The following DCDC2C variants were observed in gnomAD, a reference collection of about 807,000 sequenced individuals.
The protein encoded by DCDC2C is doublecortin domain-containing protein 2C.
A neutral mutation model predicts 45.0 loss-of-function variants in DCDC2C; 44 were observed. The observed-to-expected ratio is 0.98, with a 90% CI of 0.77 to 1.26. The LOEUF is 1.26. DCDC2C is among the 50% of genes most tolerant of loss of function. The probability of loss-of-function intolerance (pLI) is 0.00; values close to 1 mark genes in which losing one functional copy is unlikely to be tolerated. For missense variants in DCDC2C, 447 were observed against 468.9 expected, an observed-to-expected ratio of 0.95 and a Z score of 0.43; for synonymous variants, 187 against 178.8, an observed-to-expected ratio of 1.05 and a Z score of -0.37.
chr2:3,741,706 CAT>C (rs1446126981), intron 3 of DCDC2C, among the ~76,000 whole-genome samples: 4 of 149,040 alleles, frequency 2.7e-5, no homozygotes, highest in African/African-American at 7.8e-5. Flanking sequence ...CACACACACA[CAT>C]AGGTATACAC....
intron 10 of DCDC2C, among the ~76,000 whole-genome samples, chr2:3,797,752 T>C (rs2148197615): frequency 6.6e-6 from 1 of 152,228 alleles, no homozygotes; most frequent in Middle Eastern, 3.4e-3. Flanking sequence ...TTATAATTTC[T>C]GTTCTTTTAC....
chr2:3,805,429 G>C (rs1671214307), intron 10 of DCDC2C, among the ~76,000 whole-genome samples: 1 of 152,206 alleles, frequency 6.6e-6, no homozygotes, highest in African/African-American at 2.4e-5. Flanking sequence ...AGTCGTGTGT[G>C]TGACTGAGGT....
intron 10 of DCDC2C, among the ~76,000 whole-genome samples, chr2:3,793,511 T>C (rs1240913992): frequency 6.6e-6 from 1 of 152,232 alleles, no homozygotes; most frequent in African/African-American, 2.4e-5. Flanking sequence ...CAGAATGGAC[T>C]GAGTCTGTGG....
At chr2:3,836,989 T>C (rs2148241241) in intron 10 of DCDC2C, among the ~76,000 whole-genome samples, 1 of 152,316 alleles carries the variant, frequency 6.6e-6, no homozygotes, top group East Asian at 1.9e-4. Context: ...CAGAACTCCT[T>C]TTTCCCCAAG....
At chr2:3,827,486 C>A (rs1572645412) in intron 10 of DCDC2C, among the ~76,000 whole-genome samples, 2 of 152,072 alleles carry the variant, frequency 1.3e-5, no homozygotes, top group East Asian at 3.8e-4. Flanking sequence ...GTGGAGTAAC[C>A]CTGGCTTACT....
At chr2:3,769,493 T>C in intron 8 of DCDC2C, 82 bp downstream of exon 8, 2 of 1,235,550 alleles carry the variant, frequency 1.6e-6, no homozygotes, top group Non-Finnish European at 2.3e-6. Flanking sequence ...TCCTTCACCC[T>C]CTCCCTGCAA....
intron 10 of DCDC2C, among the ~76,000 whole-genome samples, chr2:3,835,044 T>C (rs1192084553): frequency 6.6e-6 from 1 of 152,326 alleles, no homozygotes; most frequent in Admixed American, 6.5e-5. Flanking sequence ...AAATCCAGAT[T>C]TGTCTTGCTC....
chr2:3,738,856 C>T (rs1572574291), intron 3 of DCDC2C, among the ~76,000 whole-genome samples: 1 of 152,126 alleles, frequency 6.6e-6, no homozygotes, highest in Admixed American at 6.5e-5. Flanking sequence ...TGATGTGTGC[C>T]CATCCACAAC....
rs534593522 is a variant in DCDC2C at position 3,847,298 on chromosome 2, C to G, written c.*115C>G. 2.2e-3 allele frequency: 1,478 copies of G among 681,548 alleles called. 7 individuals are homozygous for G. The highest frequency in any genetic ancestry group is 2.7e-3 in the Non-Finnish European group (1,318 of 486,284). The allele number at this position is 681,548 out of a possible 1,614,324, so 42.2% of individuals were successfully genotyped here. A position where few individuals can be genotyped will look rare whatever the true frequency, so the allele number is the denominator to read the frequency against. On this transcript the variant is annotated 3_prime_UTR_variant, in exon 11 of 11. Coordinates refer to ENST00000399143, the MANE Select transcript of DCDC2C (RefSeq NM_001287444.2). ...CACATGTGGGGTGAAACTAAAGCCC[C>G]ACACAGTGGTGTCTTCTCGAAAGCC...
intron 10 of DCDC2C, among the ~76,000 whole-genome samples, chr2:3,829,106 C>T (rs767436585): frequency 7.9e-5 from 12 of 152,128 alleles, no homozygotes; most frequent in Non-Finnish European, 1.5e-4. Context: ...CGCACGGTCA[C>T]GCTGCACAGG....
chr2:3,755,385 G>A (rs543680562), intron 6 of DCDC2C, among the ~76,000 whole-genome samples: 1 of 152,168 alleles, frequency 6.6e-6, no homozygotes, highest in African/African-American at 2.4e-5. Flanking sequence ...GCATGTGTAT[G>A]TATGAATGCA....
chr2:3,839,270 A>G (rs1672153167), intron 10 of DCDC2C, among the ~76,000 whole-genome samples: 1 of 152,202 alleles, frequency 6.6e-6, no homozygotes, highest in African/African-American at 2.4e-5. Flanking sequence ...AATGCTATCT[A>G]TCTCCGGGTT....
chr2:3,794,460 A>G (rs1186676077), intron 10 of DCDC2C, among the ~76,000 whole-genome samples: 1 of 152,144 alleles, frequency 6.6e-6, no homozygotes, highest in East Asian at 1.9e-4. Context: ...GGTGCGCTGC[A>G]CCCATTAACT....
chr2:3,778,214 C>T (rs1670404276), intron 8 of DCDC2C, among the ~76,000 whole-genome samples: 1 of 152,270 alleles, frequency 6.6e-6, no homozygotes, highest in Admixed American at 6.5e-5. Context: ...CATGCATGTG[C>T]AGCACGCATA....
chr2:3,768,416 C>T (rs957219140), intron 7 of DCDC2C, among the ~76,000 whole-genome samples: 6 of 152,184 alleles, frequency 3.9e-5, no homozygotes, highest in Non-Finnish European at 7.3e-5. Flanking sequence ...ATTCATGTCC[C>T]GTCTCATGTA....
intron 10 of DCDC2C, among the ~76,000 whole-genome samples, chr2:3,797,062 A>G (rs1278915869): frequency 6.6e-6 from 1 of 152,006 alleles, no homozygotes; most frequent in Admixed American, 6.6e-5. Context: ...TTATTGGTCT[A>G]TTCAGAGATT....
At chr2:3,780,893 G>A (rs1384876352) in intron 9 of DCDC2C, among the ~76,000 whole-genome samples, 3 of 152,196 alleles carry the variant, frequency 2.0e-5, no homozygotes, top group Admixed American at 1.3e-4. Flanking sequence ...AGTGAACCTT[G>A]CTGGTTATTT....
chr2:3,782,048 C>T (rs1020740318), intron 9 of DCDC2C, among the ~76,000 whole-genome samples: 1 of 152,182 alleles, frequency 6.6e-6, no homozygotes, highest in Non-Finnish European at 1.5e-5. Flanking sequence ...TGCACAGTCA[C>T]GGCTATGGTC....
At chr2:3,727,972 G>C (rs1188006319) in intron 3 of DCDC2C, among the ~76,000 whole-genome samples, 1 of 152,192 alleles carries the variant, frequency 6.6e-6, no homozygotes, top group Non-Finnish European at 1.5e-5. Context: ...TAGCATTTTA[G>C]TGATTAAAAG....
Sources: allele counts gnomAD v4.1 joint callset (sites outside exome capture counted in the v4.1 genomes callset), GRCh38; gene constraint gnomAD v4.1.1; transcripts MANE v1.5; gene names NCBI Gene and HGNC (gene_info 2026-07-23, HGNC 2026-07-21).